SDK1: variants seen among roughly 807,000 people sequenced by gnomAD.
SDK1 encodes the protein sidekick cell adhesion molecule 1.
SDK1 carries 157 observed loss-of-function variants against 245.5 expected under a neutral mutation model. The ratio of observed to expected loss-of-function variants is 0.64; its 90% CI spans 0.56 to 0.73. The LOEUF is 0.73. Among genes scored for constraint, SDK1 ranks in the 30% least tolerant of loss-of-function variants. The pLI, the probability that SDK1 is intolerant of heterozygous loss-of-function variation, is 0.00. For synonymous variants in SDK1, 1,647 were observed against 1,278.5 expected (o/e 1.29, Z -6.15); for missense variants, 3,583 against 3,002.3 (o/e 1.19, Z -4.52).
chr7:3,338,356 A>G (rs994970956), intron 1 of SDK1: 9 of 514,652 alleles, frequency 1.7e-5, no homozygotes, highest in African/African-American at 1.6e-4. Flanking sequence ...GTAAACAAAC[A>G]AGGTCAGGGC....
intron 4 of SDK1, among the ~76,000 whole-genome samples, chr7:3,722,557 G>C (rs1778847101): frequency 6.6e-6 from 1 of 152,124 alleles, no homozygotes; most frequent in Non-Finnish European, 1.5e-5. Flanking sequence ...GTGCTGCTGA[G>C]GTCCAGGAGC....
chr7:4,158,916 G>T (rs1449402070), intron 31 of SDK1, among the ~76,000 whole-genome samples: 1 of 152,232 alleles, frequency 6.6e-6, no homozygotes, highest in Non-Finnish European at 1.5e-5. Flanking sequence ...CAACAGCGCA[G>T]GTAAGTGATG....
chr7:3,323,211 A>C (rs1779861174), intron 1 of SDK1, among the ~76,000 whole-genome samples: 1 of 152,150 alleles, frequency 6.6e-6, no homozygotes, highest in South Asian at 2.1e-4. Context: ...GCTGAGTTTC[A>C]GTCTTCACCA....
chr7:3,716,935 A>C (rs557059764), intron 4 of SDK1, among the ~76,000 whole-genome samples: 3 of 152,168 alleles, frequency 2.0e-5, no homozygotes, highest in Non-Finnish European at 4.4e-5. Context: ...TAATAGGGGT[A>C]AATAAAATAC....
rs73308066 is a variant in SDK1, at chr7:3,820,312, A to G, written c.714-1138A>G. Among the ~76,000 whole-genome samples the G allele has an allele frequency of 7.1e-3, 1,087 of 152,148 alleles. 13 individuals carry two copies. The highest frequency in any genetic ancestry group is 0.024 in the African/African-American group (1,017 of 41,512). ...CTACAGGCGTGTGCCACCACGCCGA[A>G]CTAATTTTTGTATTTTCAGTAGAGA... is the stretch of plus-strand genomic sequence containing the variant. On this transcript the variant is annotated intron_variant, in intron 4 of 44. Transcript: ENST00000404826.
At chr7:3,493,044 G>T (rs555811797) in intron 1 of SDK1, among the ~76,000 whole-genome samples, 1 of 152,042 alleles carries the variant, frequency 6.6e-6, no homozygotes, top group African/African-American at 2.4e-5. Flanking sequence ...TCTGCCTCCC[G>T]GGTTCACACC....
chr7:3,745,079 C>T (rs1269662164), intron 4 of SDK1, among the ~76,000 whole-genome samples: 1 of 152,166 alleles, frequency 6.6e-6, no homozygotes, highest in Admixed American at 6.5e-5. Flanking sequence ...ACTCACAAAA[C>T]ACTCCAAGTT....
At chr7:4,201,895 G>C (rs992554300) in intron 35 of SDK1, among the ~76,000 whole-genome samples, 3 of 152,236 alleles carry the variant, frequency 2.0e-5, no homozygotes, top group African/African-American at 7.2e-5. Context: ...GGCAAGAGTG[G>C]ACACCTGGCA....
chr7:3,886,845 G>A (rs1344596058), intron 5 of SDK1, among the ~76,000 whole-genome samples: 1 of 152,180 alleles, frequency 6.6e-6, no homozygotes, highest in Non-Finnish European at 1.5e-5. Flanking sequence ...GAGCCCAGGA[G>A]TTTGAGGTTG....
In SDK1 at chr7:4,267,338, C is replaced by T; in HGVS notation, c.*1954C>T. ...TCCCTCCCTTCCTCTCTCCCCTATT[C>T]CTTCTTCCTTTTCTCCTCCTTTTTC... On this transcript the variant is annotated 3_prime_UTR_variant, in exon 45 of 45. Transcript: ENST00000404826. 1.1e-6 allele frequency: 1 copy of T among 927,518 alleles called. No homozygotes were observed. The highest frequency in any genetic ancestry group is 1.3e-4 in the East Asian group (1 of 7,784). 57.5% of individuals were successfully genotyped at this position (927,518 alleles called of 1,614,324 possible).
intron 1 of SDK1, among the ~76,000 whole-genome samples, chr7:3,546,242 C>G (rs910398134): frequency 9.9e-5 from 15 of 152,046 alleles, no homozygotes; most frequent in African/African-American, 3.1e-4. Flanking sequence ...CACACTGTAA[C>G]GAACAATGAT....
intron 44 of SDK1, among the ~76,000 whole-genome samples, chr7:4,247,894 C>G (rs2128239823): frequency 6.6e-6 from 1 of 152,280 alleles, no homozygotes; most frequent in South Asian, 2.1e-4. Flanking sequence ...CCCCATTGGT[C>G]TCCTCCAGCC....
At chr7:4,105,430 G>A (rs548464885) in intron 22 of SDK1, among the ~76,000 whole-genome samples, 2 of 150,972 alleles carry the variant, frequency 1.3e-5, no homozygotes, top group East Asian at 2.0e-4. Context: ...CCTCAGCCTC[G>A]TGAGTAGCTG....
intron 4 of SDK1, among the ~76,000 whole-genome samples, chr7:3,751,120 C>T (rs779258755): frequency 1.9e-4 from 29 of 152,348 alleles, no homozygotes; most frequent in Non-Finnish European, 4.0e-4. Flanking sequence ...TCCCACTCTT[C>T]CTCCAGTCGC....
chr7:3,552,134 G>A (rs540206698), intron 1 of SDK1, among the ~76,000 whole-genome samples: 1 of 152,136 alleles, frequency 6.6e-6, no homozygotes, highest in East Asian at 1.9e-4. Context: ...CACCTCCCGG[G>A]TTCATGCCAT....
chr7:3,605,153 C>G (rs1039008719), intron 1 of SDK1, among the ~76,000 whole-genome samples: 1 of 151,228 alleles, frequency 6.6e-6, no homozygotes. Context: ...GAAACACACA[C>G]ACACACACAC....
intron 1 of SDK1, among the ~76,000 whole-genome samples, chr7:3,582,119 G>C (rs1463412722): frequency 6.9e-6 from 1 of 145,610 alleles, no homozygotes; most frequent in East Asian, 2.0e-4. Flanking sequence ...CCTCAGGTAG[G>C]CCTGTCTCAG....
intron 30 of SDK1, 49 bp from the exon 31 acceptor site, chr7:4,158,399 A>C: frequency 4.1e-6 from 6 of 1,456,492 alleles, no homozygotes; most frequent in Non-Finnish European, 5.8e-6. Flanking sequence ...GCCTGAGGGC[A>C]GGACAGGGTG....
In SDK1 at chr7:4,061,876, G is replaced by A. The variant is rs575239129; in HGVS notation, c.2912-5962G>A. Among the ~76,000 whole-genome samples, 367 of 150,110 alleles carry A rather than the reference G, an allele frequency of 2.4e-3. 1 individual carries two copies. Among genetic ancestry groups the A allele is most frequent in the Non-Finnish European group, 3.4e-3 (231 of 67,710 alleles). On this transcript the variant is annotated intron_variant, in intron 19 of 44. Transcript: ENST00000404826. ...AAATCATCATTCTCAGTAAACTATC[G>A]CAAGAACAAAAAACCAAACACGGCA...
Sources: allele counts gnomAD v4.1 joint callset (sites outside exome capture counted in the v4.1 genomes callset), GRCh38; gene constraint gnomAD v4.1.1; transcripts MANE v1.5; gene names NCBI Gene and HGNC (gene_info 2026-07-23, HGNC 2026-07-21).